The following FER1L6 variants were observed in gnomAD, a reference collection of about 807,000 sequenced individuals.
The protein encoded by FER1L6 is fer-1 like family member 6, also known as fer-1-like protein 6.
Under a neutral mutation model 219.2 loss-of-function variants are expected in FER1L6, and 177 were observed. That is an observed-to-expected ratio of 0.81 (90% CI 0.71 to 0.91). FER1L6 has a LOEUF of 0.91. Among genes scored for constraint, FER1L6 ranks in the 40% least tolerant of loss-of-function variants. FER1L6 has a pLI of 0.00. For missense variants in FER1L6, 2,153 were observed against 2,259.9 expected (o/e 0.95, Z 0.96); for synonymous variants, 768 against 824.3 (o/e 0.93, Z 1.17).
chr8:123,926,160 C>A (rs1219163280), intron 1 of FER1L6, among the ~76,000 whole-genome samples: 1 of 152,182 alleles, frequency 6.6e-6, no homozygotes, highest in Non-Finnish European at 1.5e-5. Context: ...TGGCAGCAGT[C>A]CCCTAGTGCA....
chr8:123,985,358 CAT>C (rs1816522449), intron 11 of FER1L6: 1 of 152,252 alleles, frequency 6.6e-6, no homozygotes, highest in Non-Finnish European at 1.5e-5. Flanking sequence ...ACCCTGGATA[CAT>C]ATGATTGCCC....
intron 1 of FER1L6, among the ~76,000 whole-genome samples, chr8:123,911,897 C>T (rs10089757): frequency 0.31 from 47,850 of 152,016 alleles, 7,772 homozygotes; most frequent in South Asian, 0.37. Context: ...GGCAAATTTA[C>T]CCTTCCTGGG....
At chr8:124,026,941 G>T (rs1383062962) in intron 18 of FER1L6, among the ~76,000 whole-genome samples, 1 of 152,056 alleles carries the variant, frequency 6.6e-6, no homozygotes, top group African/African-American at 2.4e-5. Flanking sequence ...GTGTTGGCAG[G>T]GCCATGTTCC....
At chr8:124,075,046 G>C (rs1460454462) in intron 31 of FER1L6, among the ~76,000 whole-genome samples, 1 of 152,184 alleles carries the variant, frequency 6.6e-6, no homozygotes, top group Middle Eastern at 3.2e-3. Flanking sequence ...TGAAGGCCTA[G>C]GATGTTACTG....
intron 1 of FER1L6, among the ~76,000 whole-genome samples, chr8:123,885,626 C>T: frequency 6.6e-6 from 1 of 152,110 alleles, no homozygotes; most frequent in Non-Finnish European, 1.5e-5. Context: ...GAAACTGAGC[C>T]ACAGGAAGCT....
chr8:124,047,044 C>T (rs940380359), intron 21 of FER1L6, among the ~76,000 whole-genome samples: 2 of 152,212 alleles, frequency 1.3e-5, no homozygotes, highest in Non-Finnish European at 2.9e-5. Context: ...GTAGGGAAGA[C>T]CACAAAATCA....
Position 123,916,656 on chromosome 8 carries a change from GT to G in FER1L6, c.-7-39334del, listed in dbSNP as rs1219621965. On this transcript the variant is annotated intron_variant, in intron 1 of 40. Transcript: ENST00000522917. ...TCATGTAGGTAGCAACCCTTTTAGT[GT>G]TGTGGAGGTTTTTAGCAAGGCTTAT... Among the ~76,000 whole-genome samples, 5 of 152,310 alleles carry G rather than the reference GT, an allele frequency of 3.3e-5. No individual in the cohort carries two copies. In the South Asian group the frequency reaches 6.2e-4, roughly 19 times the overall value.
intron 12 of FER1L6, among the ~76,000 whole-genome samples, chr8:123,998,893 G>A (rs1242947349): frequency 1.3e-5 from 2 of 152,170 alleles, no homozygotes; most frequent in Non-Finnish European, 2.9e-5. Context: ...GTTCACTCAA[G>A]GCCCAAGGGC....
At chr8:123,871,232 C>T (rs1270213202) in intron 1 of FER1L6, among the ~76,000 whole-genome samples, 1 of 152,126 alleles carries the variant, frequency 6.6e-6, no homozygotes, top group African/African-American at 2.4e-5. Flanking sequence ...GGTTAGTATG[C>T]ATAAATATAT....
At chr8:124,067,730 T>C (rs1820886363) in intron 27 of FER1L6, 37 bp from the exon 28 acceptor site, 7 of 1,560,884 alleles carry the variant, frequency 4.5e-6, no homozygotes, top group African/African-American at 1.4e-5. Context: ...ATAAATCAAG[T>C]ATTGTGGTGT....
intron 1 of FER1L6, among the ~76,000 whole-genome samples, chr8:123,907,809 A>G (rs1034911845): frequency 1.3e-5 from 2 of 151,560 alleles, no homozygotes; most frequent in African/African-American, 4.8e-5. Context: ...AGTTCAAACA[A>G]TGGGCAGAGA....
intron 3 of FER1L6, among the ~76,000 whole-genome samples, chr8:123,964,574 C>T (rs1815450220): frequency 6.6e-6 from 1 of 152,192 alleles, no homozygotes; most frequent in Non-Finnish European, 1.5e-5. Context: ...CACCACCCCT[C>T]TACCCTAGTC....
Position 124,021,680 on chromosome 8 carries a change from C to G in FER1L6, c.2133+11C>G. On this transcript the variant is annotated intron_variant, in intron 17 of 40. Coordinates refer to ENST00000522917, the MANE Select transcript of FER1L6 (RefSeq NM_001039112.2). ...TTTCTTGTTGATGAGGTAACTGACT[C>G]TAAAGGCAAACCTCATTTGGAAGGT... 6.2e-7 allele frequency: 1 copy of G among 1,613,618 alleles called. No individual in the cohort carries two copies. Among genetic ancestry groups the G allele is most frequent in the Non-Finnish European group, 8.5e-7 (1 of 1,179,568 alleles).
rs1357512214 is a variant in FER1L6, at chr8:123,853,242, C to T, written c.-8+1057C>T. Among the ~76,000 whole-genome samples, 2 of 152,204 alleles carry T rather than the reference C, an allele frequency of 1.3e-5. No individual in the cohort carries two copies. Among genetic ancestry groups the T allele is most frequent in the Non-Finnish European group, 2.9e-5 (2 of 68,046 alleles). ...CAATCTTGGCTCACTGCAGCCGCCA[C>T]CTCCCAGGTTCAAGTGAGTCTCGTG... On this transcript the variant is annotated intron_variant, in intron 1 of 40. Transcript: ENST00000522917. This position sits in a 1 kb window ranked among gnomAD's most constrained non-coding sequence, Gnocchi z 6.6.
chr8:123,890,477 G>A (rs994270143), intron 1 of FER1L6, among the ~76,000 whole-genome samples: 4 of 151,414 alleles, frequency 2.6e-5, no homozygotes, highest in African/African-American at 9.7e-5. Context: ...AGTTTTTATT[G>A]GAAGGCTTTT....
At chr8:124,062,337 T>C (rs896349773) in intron 25 of FER1L6, among the ~76,000 whole-genome samples, 1 of 152,194 alleles carries the variant, frequency 6.6e-6, no homozygotes, top group African/African-American at 2.4e-5. Context: ...ATTTTGGATC[T>C]CAGGTGCACA....
intron 1 of FER1L6, among the ~76,000 whole-genome samples, chr8:123,898,656 TATGTATATATATAC>T (rs1812790274): frequency 6.9e-6 from 1 of 144,122 alleles, no homozygotes; most frequent in African/African-American, 2.6e-5. Context: ...TATATATATA[TATGTATATATATAC>T]GTATATATAT....
intron 1 of FER1L6, among the ~76,000 whole-genome samples, chr8:123,897,195 C>T (rs901991714): frequency 1.3e-5 from 2 of 152,164 alleles, no homozygotes; most frequent in African/African-American, 2.4e-5. Flanking sequence ...ATGCAGTAAA[C>T]TCCTACTCAG....
intron 1 of FER1L6, among the ~76,000 whole-genome samples, chr8:123,901,881 G>A (rs1217037666): frequency 6.6e-6 from 1 of 151,846 alleles, no homozygotes; most frequent in Non-Finnish European, 1.5e-5. Context: ...ACCACGCCTG[G>A]CCAATTTTTT....
Sources: gnomAD v4.1 joint callset for allele counts (sites outside exome capture counted in the v4.1 genomes callset) on GRCh38, gnomAD v4.1.1 for gene constraint, Gnocchi (gnomAD v3.1) non-coding constraint, MANE v1.5 for transcripts, NCBI Gene and HGNC (gene_info 2026-07-23, HGNC 2026-07-21) for gene names.